Variants in FUBP3 observed in about 807,000 individuals in gnomAD.
FUBP3 encodes far upstream element binding protein 3.
FUBP3 carries 28 observed loss-of-function variants against 85.6 expected under a neutral mutation model. The observed-to-expected ratio is 0.33, with a 90% CI of 0.24 to 0.45. FUBP3 has a LOEUF of 0.45. Among genes scored for constraint, FUBP3 ranks in the 20% least tolerant of loss-of-function variants. The pLI is 1.00. For synonymous variants in FUBP3, 271 were observed against 271.4 expected, an observed-to-expected ratio of 1.00 and a Z score of 0.01; for missense variants, 583 against 755.1, an observed-to-expected ratio of 0.77 and a Z score of 2.67.
intron 2 of FUBP3, among the ~76,000 whole-genome samples, chr9:130,603,680 C>T (rs571702310): frequency 1.3e-5 from 2 of 152,294 alleles, no homozygotes; most frequent in South Asian, 2.1e-4. Context: ...GCTAAACCTG[C>T]AGCATCAATG....
At chr9:130,586,625 T>C (rs1274113251) in intron 1 of FUBP3, among the ~76,000 whole-genome samples, 1 of 152,102 alleles carries the variant, frequency 6.6e-6, no homozygotes, top group African/African-American at 2.4e-5. Flanking sequence ...TTCTCAGAGG[T>C]GCACATGGGT....
At chr9:130,579,872 T>A in intron 1 of FUBP3, 108 bp downstream of exon 1, 1 of 652,676 alleles carries the variant, frequency 1.5e-6, no homozygotes, top group Non-Finnish European at 2.2e-6. Context: ...AACCGACGTC[T>A]CAGCCGGGCC....
At chr9:130,634,802 C>A in intron 17 of FUBP3, 64 bp downstream of exon 17, 1 of 1,269,378 alleles carries the variant, frequency 7.9e-7, no homozygotes, top group Non-Finnish European at 1.1e-6. Context: ...ACTTCAGAGT[C>A]CAAGGCTCAC....
intron 11 of FUBP3, among the ~76,000 whole-genome samples, chr9:130,624,769 T>C (rs1055251165): frequency 9.2e-5 from 14 of 152,074 alleles, no homozygotes; most frequent in Admixed American, 7.9e-4. Context: ...AAATGATCTC[T>C]AACATCCTTT....
chr9:130,632,048 G>T (rs1830233351), intron 15 of FUBP3, 26 bp downstream of exon 15: 1 of 1,554,334 alleles, frequency 6.4e-7, no homozygotes. Flanking sequence ...TGACTCAGTT[G>T]GGGACAGACG....
chr9:130,629,015 C>T (rs571997829), intron 12 of FUBP3, among the ~76,000 whole-genome samples: 2 of 152,310 alleles, frequency 1.3e-5, no homozygotes, highest in South Asian at 2.1e-4. Flanking sequence ...GTGATCCACT[C>T]GCCTTGGCCT....
In FUBP3 at chr9:130,629,323, A is replaced by G. The variant is rs183718612; in HGVS notation, c.1118-1305A>G. ...GCGGGACCTTAAGGAAATCACAAGC[A>G]CAACATTTGGTTTTGTTAGTTGTTT... On this transcript the variant is annotated intron_variant, in intron 12 of 18. Coordinates refer to ENST00000319725, the MANE Select transcript of FUBP3 (RefSeq NM_003934.2). Among the ~76,000 whole-genome samples the G allele has an allele frequency of 1.7e-4, 26 of 152,344 alleles. No homozygotes were observed. The East Asian group carries it at 4.4e-3, about 26-fold the overall frequency.
rs149725261 is a variant in FUBP3 at position 130,634,652 on chromosome 9, G to A, written c.1511-15G>A. On this transcript the variant is annotated splice_polypyrimidine_tract_variant and intron_variant, in intron 16 of 18. Transcript: ENST00000319725. ...GAGCCCGTAAGGCCTGACTGCTTTT[G>A]TGTTCTTCGCACAGGCCAGCAGAGC... The A allele has an allele frequency of 2.0e-3, 3,240 of 1,611,346 alleles. 5 individuals carry two copies. The highest frequency in any genetic ancestry group is 2.5e-3 in the Non-Finnish European group (2,901 of 1,179,064).
intron 2 of FUBP3, among the ~76,000 whole-genome samples, chr9:130,605,042 T>C (rs1371622366): frequency 1.3e-5 from 2 of 152,252 alleles, no homozygotes; most frequent in African/African-American, 4.8e-5. Context: ...TTATATATGG[T>C]ACATTCTGTT....
intron 2 of FUBP3, among the ~76,000 whole-genome samples, chr9:130,599,909 C>G (rs138744568): frequency 0.018 from 2,740 of 152,292 alleles, 48 homozygotes; most frequent in Middle Eastern, 0.041. Flanking sequence ...CGTGCACCTC[C>G]TGTGCTCCTC....
chr9:130,603,117 C>T (rs554143988), intron 2 of FUBP3, among the ~76,000 whole-genome samples: 3 of 152,142 alleles, frequency 2.0e-5, no homozygotes, highest in East Asian at 3.9e-4. Flanking sequence ...GAGGCTGAAG[C>T]GGGAGGATCA....
chr9:130,593,421 C>G (rs140968594), intron 1 of FUBP3, among the ~76,000 whole-genome samples: 1 of 152,280 alleles, frequency 6.6e-6, no homozygotes, highest in African/African-American at 2.4e-5. Context: ...TTTTACAACC[C>G]TAGTATTTGT....
At chr9:130,600,219 C>T (rs1831087591) in intron 2 of FUBP3, among the ~76,000 whole-genome samples, 1 of 150,946 alleles carries the variant, frequency 6.6e-6, no homozygotes, top group Non-Finnish European at 1.5e-5. Flanking sequence ...TGTATTTGCC[C>T]TCTGCTCAGG....
rs1366370944 is a variant in FUBP3, at chr9:130,637,019, G to C, written c.1716G>C (p.Gln572His). 1.2e-6 allele frequency: 2 copies of C among 1,612,478 alleles called. No homozygotes were observed. Among genetic ancestry groups the C allele is most frequent in the Non-Finnish European group, 1.7e-6 (2 of 1,178,568 alleles). The change falls in exon 19 of 19, where the codon CAG becomes CAC. Residue 572 changes from glutamine (Q) to histidine (H), a missense_variant. This residue lies in a region of FUBP3 where 404 missense variants were observed against 516.8 expected (regional missense o/e 0.78). Coordinates refer to ENST00000319725, the MANE Select transcript of FUBP3 (RefSeq NM_003934.2). Reference protein sequence around the residue: ...LGQAQAHSQEQ With the variant: ...LGQAQAHSQEH Reference sequence around the variant, plus strand: ...CTCTTCCCTTCCGCCCACAGGAGCAGTAGGACAGCGTCCTCGTGGCCAACT... The same window carrying C: ...CTCTTCCCTTCCGCCCACAGGAGCACTAGGACAGCGTCCTCGTGGCCAACT...
chr9:130,581,384 A>C (rs190293416), intron 1 of FUBP3: 2 of 152,302 alleles, frequency 1.3e-5, no homozygotes, highest in East Asian at 3.9e-4. Context: ...TCTGAAATGC[A>C]CCATTGACTG....
chr9:130,579,663 ACGGCGGCGGGGG>A lies in FUBP3; in HGVS notation c.-14_-3del, dbSNP rs758199728. On this transcript the variant is annotated 5_prime_UTR_variant, in exon 1 of 19. Coordinates refer to ENST00000319725, the MANE Select transcript of FUBP3 (RefSeq NM_003934.2). ...GTCGGCGGCGTCGGCGGCGGCGGCG[ACGGCGGCGGGGG>A]CGGTAATGGCGGAGCTGGTGCAGGG... 53 of 1,204,906 alleles carry A rather than the reference ACGGCGGCGGGGG, an allele frequency of 4.4e-5. No individual in the cohort carries two copies. The highest frequency in any genetic ancestry group is 5.4e-5 in the Non-Finnish European group (52 of 958,460). 74.6% of individuals were successfully genotyped at this position (1,204,906 alleles called of 1,614,324 possible). A position where few individuals can be genotyped will look rare whatever the true frequency, so the allele number is the denominator to read the frequency against.
chr9:130,621,920 AAAAAG>A (rs1159607016), intron 9 of FUBP3, among the ~76,000 whole-genome samples: 1 of 152,076 alleles, frequency 6.6e-6, no homozygotes, highest in African/African-American at 2.4e-5. Context: ...AAAAGAAAAA[AAAAAG>A]AACGCAGTTC....
intron 1 of FUBP3, among the ~76,000 whole-genome samples, chr9:130,594,969 A>G (rs1170734110): frequency 2.0e-5 from 3 of 150,340 alleles, no homozygotes; most frequent in Admixed American, 6.7e-5. Context: ...GCTCACGCCT[A>G]TAATCCCAGC....
chr9:130,631,844 C>A, intron 14 of FUBP3, 98 bp from the exon 15 acceptor site: 1 of 943,102 alleles, frequency 1.1e-6, no homozygotes, highest in Non-Finnish European at 1.7e-6. Flanking sequence ...AGAGGGTCTT[C>A]TGTCCCGACT....
Sources: allele counts gnomAD v4.1 joint callset (sites outside exome capture counted in the v4.1 genomes callset), GRCh38; gene constraint gnomAD v4.1.1; regional missense constraint gnomAD v4.1.1; transcripts MANE v1.5; gene names NCBI Gene and HGNC (gene_info 2026-07-23, HGNC 2026-07-21).